Variants in TSNARE1 observed in about 807,000 individuals in gnomAD.
TSNARE1 encodes the protein t-SNARE domain-containing protein 1.
Under a neutral mutation model 62.0 loss-of-function variants are expected in TSNARE1, and 49 were observed. The observed-to-expected ratio is 0.79, with a 90% confidence interval of 0.63 to 1.00. The LOEUF (loss-of-function observed/expected upper bound fraction) is 1.00. TSNARE1 is among the 50% of genes least tolerant of loss of function. The probability of loss-of-function intolerance (pLI) is 0.00; values close to 1 mark genes in which losing one functional copy is unlikely to be tolerated. For synonymous variants in TSNARE1, 328 were observed against 294.4 expected (o/e 1.11, Z -1.17); for missense variants, 755 against 700.1 (o/e 1.08, Z -0.88).
At chr8:142,259,705 C>T (rs1446022422) in intron 12 of TSNARE1, among the ~76,000 whole-genome samples, 1 of 152,188 alleles carries the variant, frequency 6.6e-6, no homozygotes, top group African/African-American at 2.4e-5. Flanking sequence ...ACAGGGCTGC[C>T]ACCCCAGCAC....
chr8:142,217,865 AGTGTGTGGCCAGGATCAGGG>A (rs142970805), intron 13 of TSNARE1, among the ~76,000 whole-genome samples: 34 of 144,952 alleles, frequency 2.3e-4, no homozygotes, highest in Non-Finnish European at 2.7e-4. Context: ...ATCAGGGCTC[AGTGTGTGGCCAGGATCAGGG>A]CTCAGTGTGT....
At chr8:142,344,675 T>C (rs1048201329) in intron 3 of TSNARE1, among the ~76,000 whole-genome samples, 12 of 152,144 alleles carry the variant, frequency 7.9e-5, no homozygotes, top group Admixed American at 7.2e-4. Context: ...CCAGGTGCCA[T>C]CAGCAAGCAC....
At chr8:142,278,516 T>C (rs1425088126) in intron 11 of TSNARE1, 5 of 985,230 alleles carry the variant, frequency 5.1e-6, no homozygotes, top group African/African-American at 1.7e-5. Flanking sequence ...TGCCACCATA[T>C]GCGGAGGACG....
chr8:142,289,881 A>C (rs1253334264), intron 10 of TSNARE1, among the ~76,000 whole-genome samples: 3 of 152,180 alleles, frequency 2.0e-5, no homozygotes, highest in Non-Finnish European at 4.4e-5. Flanking sequence ...TGGGGCTGGG[A>C]CCTGCAGCTG....
At chr8:142,298,357 G>A (rs2131263246) in intron 10 of TSNARE1, among the ~76,000 whole-genome samples, 1 of 152,338 alleles carries the variant, frequency 6.6e-6, no homozygotes, top group Admixed American at 6.5e-5. Context: ...AGAGGATCGC[G>A]GACGGGGCAG....
intron 12 of TSNARE1, among the ~76,000 whole-genome samples, chr8:142,250,820 C>T (rs1056907344): frequency 2.6e-5 from 4 of 152,186 alleles, no homozygotes; most frequent in South Asian, 2.1e-4. Flanking sequence ...TGGTGATGGA[C>T]GTAGTCCACG....
chr8:142,285,547 TG>T (rs538725802), intron 10 of TSNARE1, among the ~76,000 whole-genome samples: 1 of 139,460 alleles, frequency 7.2e-6, no homozygotes, highest in Non-Finnish European at 1.5e-5. Flanking sequence ...AGATGGATGA[TG>T]GGGGGATAGA....
chr8:142,291,252 C>T lies in TSNARE1; in HGVS notation c.1291-6767G>A, dbSNP rs1823692741. On this transcript the variant is annotated intron_variant, in intron 10 of 13. Transcript: ENST00000524325. The surrounding 1 kb of genome is among the most constrained non-coding windows in gnomAD (Gnocchi z 4.8). ...CAAGCAAAAGTCGGCTCTCCAGCATCGCGGTGAGGATGGCCTTGTGCTGGA... is the reference window on the plus strand; with the variant it reads ...CAAGCAAAAGTCGGCTCTCCAGCATTGCGGTGAGGATGGCCTTGTGCTGGA... Among the ~76,000 whole-genome samples the T allele has an allele frequency of 6.6e-6, 1 of 151,868 alleles. No homozygotes were observed. The highest frequency in any genetic ancestry group is 2.4e-5 in the African/African-American group (1 of 41,332).
intron 1 of TSNARE1, among the ~76,000 whole-genome samples, chr8:142,381,145 T>C (rs1836710813): frequency 6.6e-6 from 1 of 152,222 alleles, no homozygotes; most frequent in East Asian, 1.9e-4. Context: ...TCAGAATCAG[T>C]GCCAGAAGCT....
chr8:142,282,991 T>C (rs904625763), intron 11 of TSNARE1, among the ~76,000 whole-genome samples: 1 of 125,494 alleles, frequency 8.0e-6, no homozygotes. Context: ...AAAGGCGGGG[T>C]CAGTGTCTGC....
At chr8:142,334,750 T>C (rs13275046) in intron 4 of TSNARE1, among the ~76,000 whole-genome samples, 25,713 of 152,058 alleles carry the variant, frequency 0.17, 2,321 homozygotes, top group East Asian at 0.3. Flanking sequence ...AAGGACTTGA[T>C]CCTTTCGTCA....
intron 9 of TSNARE1, among the ~76,000 whole-genome samples, chr8:142,310,066 C>G (rs1334248903): frequency 6.6e-6 from 1 of 151,908 alleles, no homozygotes; most frequent in Non-Finnish European, 1.5e-5. Flanking sequence ...AATGATCTAT[C>G]CATTTTCATT....
intron 10 of TSNARE1, among the ~76,000 whole-genome samples, chr8:142,286,053 G>C (rs1037795652): frequency 1.3e-5 from 2 of 152,146 alleles, no homozygotes; most frequent in Non-Finnish European, 2.9e-5. Context: ...CCACCGACCA[G>C]ATGCCCACTC....
Position 142,273,073 on chromosome 8 carries a change from CG to C in TSNARE1, c.1446+1707del, listed in dbSNP as rs566429567. 9.1e-6 allele frequency: 9 copies of C among 985,166 alleles called. No individual in the cohort carries two copies. The Admixed American group carries it at 3.7e-4, about 40-fold the overall frequency. 61.0% of individuals were successfully genotyped at this position (985,166 alleles called of 1,614,324 possible). A position where few individuals can be genotyped will look rare whatever the true frequency, so the allele number is the denominator to read the frequency against. ...CTTGCCCACCTCCTCTGCAGTGTGT[CG>C]GGGGGGCGGTGCCTGCTCTGCCAGG... On this transcript the variant is annotated intron_variant, in intron 12 of 13. Transcript: ENST00000524325.
chr8:142,347,630 A>G (rs1833545217), intron 2 of TSNARE1, among the ~76,000 whole-genome samples: 1 of 151,990 alleles, frequency 6.6e-6, no homozygotes, highest in Admixed American at 6.6e-5. Context: ...CCCTGCTGTC[A>G]CTCAAGGACA....
chr8:142,355,230 C>T (rs1256292717), intron 1 of TSNARE1, among the ~76,000 whole-genome samples: 1 of 152,244 alleles, frequency 6.6e-6, no homozygotes, highest in Non-Finnish European at 1.5e-5. Context: ...TCGTCTTGAG[C>T]CGCACTCCAC....
chr8:142,350,214 AGGCAGGGCG>A (rs1833931754), intron 2 of TSNARE1, among the ~76,000 whole-genome samples: 1 of 127,864 alleles, frequency 7.8e-6, no homozygotes, highest in African/African-American at 2.9e-5. Context: ...GGACCAGGGC[AGGCAGGGCG>A]GGCAGGGCTG....
intron 12 of TSNARE1, among the ~76,000 whole-genome samples, chr8:142,243,663 T>G (rs1430929341): frequency 6.6e-6 from 1 of 152,180 alleles, no homozygotes; most frequent in East Asian, 1.9e-4. Flanking sequence ...ACAAGAGCAA[T>G]ACGTTCTGGT....
chr8:142,301,217 A>G, intron 9 of TSNARE1, among the ~76,000 whole-genome samples: 1 of 90,700 alleles, frequency 1.1e-5, no homozygotes, highest in Non-Finnish European at 2.2e-5. Context: ...GAGCCCGGCC[A>G]CAGTGCCCCC....
Sources: gnomAD v4.1 joint callset for allele counts (sites outside exome capture counted in the v4.1 genomes callset) on GRCh38, gnomAD v4.1.1 for gene constraint, Gnocchi (gnomAD v3.1) non-coding constraint, MANE v1.5 for transcripts, NCBI Gene and HGNC (gene_info 2026-07-23, HGNC 2026-07-21) for gene names.